The following OCA2 variants were observed in gnomAD, a reference collection of about 807,000 sequenced individuals.
OCA2 encodes P protein.
In OCA2, 77 loss-of-function variants were observed where a neutral mutation model predicts 100.2. That is an observed-to-expected ratio of 0.77 (90% CI 0.64 to 0.93). The LOEUF is 0.93. Ranked by LOEUF, OCA2 falls within the 40% of genes least tolerant of loss-of-function variation. OCA2 has a pLI of 0.00. For synonymous variants in OCA2, 432 were observed against 439.2 expected (o/e 0.98, Z 0.21); for missense variants, 1,062 against 1,089.1 (o/e 0.98, Z 0.35).
At chr15:28,023,930 A>G (rs2042670581) in intron 5 of OCA2, among the ~76,000 whole-genome samples, 1 of 152,180 alleles carries the variant, frequency 6.6e-6, no homozygotes, top group African/African-American at 2.4e-5. Flanking sequence ...ACGAAGACAC[A>G]CAGCCACAGA....
At chr15:27,818,173 T>C (rs2034374788) in intron 23 of OCA2, among the ~76,000 whole-genome samples, 1 of 152,142 alleles carries the variant, frequency 6.6e-6, no homozygotes, top group African/African-American at 2.4e-5. Flanking sequence ...GTAGATCACC[T>C]GAGGTCAGGA....
At chr15:27,780,271 G>A (rs1358292426) in intron 23 of OCA2, among the ~76,000 whole-genome samples, 2 of 152,190 alleles carry the variant, frequency 1.3e-5, no homozygotes, top group Non-Finnish European at 2.9e-5. Flanking sequence ...ATCTGTCCTG[G>A]ACAGGGGAGA....
chr15:27,985,328 TA>T (rs770645561), intron 12 of OCA2, 140 bp from the exon 13 acceptor site: 12 of 992,164 alleles, frequency 1.2e-5, no homozygotes, highest in African/African-American at 3.2e-5. Flanking sequence ...CACGGAGTCC[TA>T]GGGGGGCCGA....
intron 23 of OCA2, among the ~76,000 whole-genome samples, chr15:27,789,537 A>T (rs2032981590): frequency 6.6e-6 from 1 of 152,156 alleles, no homozygotes; most frequent in Admixed American, 6.5e-5. Context: ...AGCAATGAAG[A>T]GCCCATGAAA....
At chr15:27,995,373 T>C (rs888082654) in intron 9 of OCA2, among the ~76,000 whole-genome samples, 12 of 152,164 alleles carry the variant, frequency 7.9e-5, no homozygotes, top group African/African-American at 2.9e-4. Flanking sequence ...AAACAAGTCT[T>C]AACAAATTTT....
intron 23 of OCA2, among the ~76,000 whole-genome samples, chr15:27,802,783 C>T (rs1223001263): frequency 6.6e-6 from 1 of 152,166 alleles, no homozygotes; most frequent in Non-Finnish European, 1.5e-5. Context: ...GGAGGGATCA[C>T]AGACCTCAAT....
At chr15:27,990,952 G>T (rs1056536445) in intron 9 of OCA2, among the ~76,000 whole-genome samples, 2 of 152,180 alleles carry the variant, frequency 1.3e-5, no homozygotes, top group Non-Finnish European at 2.9e-5. Context: ...TTAATTATTT[G>T]CCATATGCTC....
chr15:28,080,685 G>A (rs561012147), intron 2 of OCA2, among the ~76,000 whole-genome samples: 1 of 152,342 alleles, frequency 6.6e-6, no homozygotes, highest in South Asian at 2.1e-4. Context: ...GAGACCATCA[G>A]TACTGCAGGG....
At chr15:28,058,750 C>T (rs1478393683) in intron 2 of OCA2, among the ~76,000 whole-genome samples, 1 of 152,218 alleles carries the variant, frequency 6.6e-6, no homozygotes, top group East Asian at 1.9e-4. Context: ...ACTATTTCAG[C>T]CCCCAAAATA....
chr15:27,774,239 C>A (rs58169843), intron 23 of OCA2, among the ~76,000 whole-genome samples: 2 of 152,174 alleles, frequency 1.3e-5, no homozygotes, highest in African/African-American at 4.8e-5. Context: ...CAGTGAAGGC[C>A]CCATCGAGTG....
chr15:27,893,374 A>G (rs2151607031), intron 19 of OCA2, among the ~76,000 whole-genome samples: 1 of 152,300 alleles, frequency 6.6e-6, no homozygotes, highest in South Asian at 2.1e-4. Context: ...AAATCAGGGC[A>G]CCCTGAAAAA....
chr15:27,753,025 T>C (rs2030125306), downstream of OCA2, among the ~76,000 whole-genome samples: 1 of 151,972 alleles, frequency 6.6e-6, no homozygotes, highest in Non-Finnish European at 1.5e-5. Context: ...CAGCCATCCC[T>C]GTGGGATGAT....
intron 17 of OCA2, among the ~76,000 whole-genome samples, 164 bp from the exon 18 acceptor site, chr15:27,952,056 G>A (rs958177625): frequency 2.6e-5 from 4 of 152,190 alleles, no homozygotes; most frequent in South Asian, 2.1e-4. Context: ...AAGGAAACCC[G>A]TACAGATTCA....
At chr15:27,996,224 C>A (rs190849635) in intron 9 of OCA2, among the ~76,000 whole-genome samples, 5 of 152,080 alleles carry the variant, frequency 3.3e-5, no homozygotes, top group Non-Finnish European at 7.4e-5. Context: ...TGGGACACAG[C>A]AAAAGCAGTT....
intron 18 of OCA2, among the ~76,000 whole-genome samples, chr15:27,945,023 A>C (rs2039782644): frequency 6.6e-6 from 1 of 152,184 alleles, no homozygotes; most frequent in Non-Finnish European, 1.5e-5. Context: ...TGTTCACCAC[A>C]CTAGCCCCAA....
intron 14 of OCA2, among the ~76,000 whole-genome samples, chr15:27,970,354 A>AAG (rs1314010566): frequency 1.3e-5 from 2 of 152,152 alleles, no homozygotes; most frequent in African/African-American, 2.4e-5. Context: ...CAGGGCCCAC[A>AAG]AGAGAGAGAC....
intron 22 of OCA2, among the ~76,000 whole-genome samples, chr15:27,847,421 T>C (rs961701848): frequency 2.0e-5 from 3 of 152,138 alleles, no homozygotes; most frequent in Non-Finnish European, 4.4e-5. Flanking sequence ...CCAACACATT[T>C]TGATGACGAA....
At chr15:27,908,810 T>A (rs920106123) in intron 19 of OCA2, among the ~76,000 whole-genome samples, 11 of 152,178 alleles carry the variant, frequency 7.2e-5, no homozygotes, top group African/African-American at 2.2e-4. Flanking sequence ...CTGCCTAACA[T>A]ATACCAAAAT....
Position 28,070,022 on chromosome 15 carries a change from G to A in OCA2, c.227+11626C>T, listed in dbSNP as rs1296866847. ...GAGCGTCTCTGCCCGGCCACCCATC[G>A]TCTGAGATGTGGGGAGCGCCTCTGC... On this transcript the variant is annotated intron_variant, in intron 2 of 23. Transcript: ENST00000354638. 3.0e-4 allele frequency among the ~76,000 whole-genome samples: 32 copies of A among 107,708 alleles called. 3 individuals are homozygous for A. The highest frequency in any genetic ancestry group is 1.9e-3 in the Admixed American group (22 of 11,804). 70.7% of individuals were successfully genotyped at this position (107,708 alleles called of 152,430 possible).
Sources: allele counts gnomAD v4.1 joint callset (sites outside exome capture counted in the v4.1 genomes callset), GRCh38; gene constraint gnomAD v4.1.1; transcripts MANE v1.5; gene names NCBI Gene and HGNC (gene_info 2026-07-23, HGNC 2026-07-21).